The following PCDHB1 variants were observed in gnomAD, a reference collection of about 807,000 sequenced individuals.
PCDHB1 encodes protocadherin beta-1.
In PCDHB1, 44 loss-of-function variants were observed where a neutral mutation model predicts 43.5. That is an observed-to-expected ratio of 1.01 (90% CI 0.79 to 1.30). PCDHB1 has a LOEUF of 1.30. Among genes scored for constraint, PCDHB1 ranks in the 50% most tolerant of loss-of-function variants. The pLI is 0.00. For missense variants in PCDHB1, 919 were observed against 1,008.9 expected (o/e 0.91, Z 1.21); for synonymous variants, 392 against 400.8 (o/e 0.98, Z 0.26).
Position 141,052,638 on chromosome 5 carries a change from C to T in PCDHB1, c.1168C>T (p.Leu390Phe), listed in dbSNP as rs2233592. The change falls in exon 1 of 1, where the codon CTT becomes TTT. Residue 390 changes from leucine to phenylalanine, a missense_variant. By Grantham distance (22) the Leu-to-Phe change is conservative. Transcript: ENST00000306549. ...AGTCACCTGCTTCCTCAGAGAAGAC[C>T]TTCCCTTTGTAATCAAACCTACATT... The part of the protein sequence containing the change: ...GKVTCFLRED[L>F]PFVIKPTFGN... 4,727 of 1,614,094 alleles carry T rather than the reference C, an allele frequency of 2.9e-3. 125 individuals are homozygous for T. In the African/African-American group the frequency reaches 0.054, roughly 18 times the overall value.
chr5:141,052,726 A>C lies in PCDHB1; in HGVS notation c.1256A>C (p.Asn419Thr). The C allele has an allele frequency of 1.2e-6, 2 of 1,614,146 alleles. No individual in the cohort carries two copies. The highest frequency in any genetic ancestry group is 1.7e-6 in the Non-Finnish European group (2 of 1,180,010). Residue 419 changes from asparagine to threonine, a missense_variant, in exon 1 of 1, where the codon AAT becomes ACT. By Grantham distance (65) the Asn-to-Thr change is moderately conservative (BLOSUM62 0). Transcript: ENST00000306549. Reference protein sequence around the residue: ...SLDREEVSGYNITIVAMDTGP... With the variant: ...SLDREEVSGYTITIVAMDTGP... ...GATCGGGAGGAGGTCTCAGGCTATAATATCACCATTGTTGCCATGGATACT... is the reference window on the plus strand; with the variant it reads ...GATCGGGAGGAGGTCTCAGGCTATACTATCACCATTGTTGCCATGGATACT...
chr5:141,053,175 G>A lies in PCDHB1; in HGVS notation c.1705G>A (p.Gly569Ser), dbSNP rs1469286299. The change falls in exon 1 of 1, where the codon GGC becomes AGC. Residue 569 changes from glycine (G) to serine (S), a missense_variant. Transcript: ENST00000306549. Reference sequence around the variant, plus strand: ...AATGATCTTATACCCACTGCAGAACGGCACCTTGCCCTGCAATGACCTGGT... The same window carrying A: ...AATGATCTTATACCCACTGCAGAACAGCACCTTGCCCTGCAATGACCTGGT... ...RPMILYPLQN[G>S]TLPCNDLVPR... 1.9e-6 allele frequency: 3 copies of A among 1,614,146 alleles called. No homozygotes were observed. Among genetic ancestry groups the A allele is most frequent in the South Asian group, 1.1e-5 (1 of 91,078 alleles).
In PCDHB1 at chr5:141,053,856, C is replaced by T. The variant is rs782785019; in HGVS notation, c.2386C>T (p.Pro796Ser). The stretch of plus-strand genomic sequence containing the variant: ...AAAAATGGAGGCTGGCTCCAGTTTG[C>T]CCCCAAATTCTGATAGGAATAAGTC... ...EIKMEAGSSLPPNSDRNKSQR... is the reference protein window; with the variant it reads ...EIKMEAGSSLSPNSDRNKSQR... Residue 796 changes from proline (P) to serine (S), a missense_variant, in exon 1 of 1, where the codon CCC (proline) becomes TCC (serine). Coordinates refer to ENST00000306549, the MANE Select transcript of PCDHB1 (RefSeq NM_013340.4). The T allele has an allele frequency of 2.5e-6, 4 of 1,614,126 alleles. No individual in the cohort carries two copies. The highest frequency in any genetic ancestry group is 1.3e-5 in the African/African-American group (1 of 75,020).
In PCDHB1 at chr5:141,053,284, A is replaced by G. The variant is rs782455855; in HGVS notation, c.1814A>G (p.Tyr605Cys). The change falls in exon 1 of 1, where the codon TAT (tyrosine) becomes TGT (cysteine). Residue 605 changes from tyrosine to cysteine, a missense_variant. By Grantham distance (194) the Tyr-to-Cys change is radical. Transcript: ENST00000306549. ...GDSGQNSWLS[Y>C]HLLKATDLGL... ...TCAGGTCAGAATTCTTGGCTTTCAT[A>G]TCATCTACTTAAGGCCACTGACCTT... 20 of 1,614,106 alleles carry G rather than the reference A, an allele frequency of 1.2e-5. No individual in the cohort carries two copies. In the Admixed American group the frequency reaches 3.3e-4, roughly 27 times the overall value.
chr5:141,054,056 T>A lies in PCDHB1; in HGVS notation c.*129T>A. ...TTTAGTAAAGATAAGAGTACTTAGT[T>A]TGGTGAAAATGGGAAACCTAGAGTG... On this transcript the variant is annotated 3_prime_UTR_variant, in exon 1 of 1. Coordinates refer to ENST00000306549, the MANE Select transcript of PCDHB1 (RefSeq NM_013340.4). 2.6e-6 allele frequency: 2 copies of A among 768,720 alleles called. No homozygotes were observed. Among genetic ancestry groups the A allele is most frequent in the Non-Finnish European group, 2.0e-6 (1 of 487,808 alleles). The allele number at this position is 768,720 out of a possible 1,614,324, so 47.6% of individuals were successfully genotyped here.
chr5:141,051,427 G>GC lies in PCDHB1; in HGVS notation c.-43dup. ...GTTGCAGAAAAGTGAAAGTATATCC[G>GC]CAACAGTTGGCTCTGATTGCAGAGA... On this transcript the variant is annotated 5_prime_UTR_variant, in exon 1 of 1. Coordinates refer to ENST00000306549, the MANE Select transcript of PCDHB1 (RefSeq NM_013340.4). 6.3e-7 allele frequency: 1 copy of GC among 1,599,378 alleles called. No individual in the cohort carries two copies. The highest frequency in any genetic ancestry group is 8.6e-7 in the Non-Finnish European group (1 of 1,169,516).
chr5:141,057,590 A>G lies in PCDHB1; in HGVS notation c.*3663A>G, dbSNP rs1751161743. On this transcript the variant is annotated 3_prime_UTR_variant, in exon 1 of 1. Transcript: ENST00000306549. Reference sequence around the variant, plus strand: ...AAGAAAAAAGAAAAAAAAAGGTAAGATAACAATCTCATAAAAGAAACCATC... The same window carrying G: ...AAGAAAAAAGAAAAAAAAAGGTAAGGTAACAATCTCATAAAAGAAACCATC... 3 of 151,694 alleles carry G rather than the reference A, an allele frequency of 2.0e-5. No homozygotes were observed. The South Asian group carries it at 6.2e-4, about 31-fold the overall frequency. 9.4% of individuals were successfully genotyped at this position (151,694 alleles called of 1,614,324 possible).
chr5:141,053,564 T>A lies in PCDHB1; in HGVS notation c.2094T>A (p.Leu698=). The A allele has an allele frequency of 3.1e-6, 5 of 1,614,108 alleles. No homozygotes were observed. The highest frequency in any genetic ancestry group is 4.2e-6 in the Non-Finnish European group (5 of 1,179,976). The change falls in exon 1 of 1, where the codon CTT becomes CTA. Residue 698 remains leucine, a synonymous_variant. Transcript: ENST00000306549. The part of the protein sequence containing the change: ...TKYLVISLVI[L]SFLFLLSVIV... ...ATTTGGTCATTTCTCTGGTCATCCTTTCCTTTCTCTTTCTCCTCTCTGTCA... is the reference window on the plus strand; with the variant it reads ...ATTTGGTCATTTCTCTGGTCATCCTATCCTTTCTCTTTCTCCTCTCTGTCA...
In PCDHB1 at chr5:141,052,325, A is replaced by C. The variant is rs782216596; in HGVS notation, c.855A>C (p.Pro285=). The C allele has an allele frequency of 1.9e-5, 31 of 1,614,138 alleles. No homozygotes were observed. Among genetic ancestry groups the C allele is most frequent in the South Asian group, 1.2e-4 (11 of 91,088 alleles). ...KAITYSLAQN[P]EAILKTFQID... is the part of the protein sequence containing the mutation. ...TAACTTACTCTTTAGCTCAAAACCC[A>C]GAAGCAATTCTCAAGACGTTTCAGA... Residue 285 remains proline, a synonymous_variant, in exon 1 of 1, where the codon CCA becomes CCC. Coordinates refer to ENST00000306549, the MANE Select transcript of PCDHB1 (RefSeq NM_013340.4).
chr5:141,053,893 A>G lies in PCDHB1; in HGVS notation c.2423A>G (p.Glu808Gly). The G allele has an allele frequency of 6.2e-7, 1 of 1,614,160 alleles. No individual in the cohort carries two copies. Among genetic ancestry groups the G allele is most frequent in the Non-Finnish European group, 8.5e-7 (1 of 1,179,996 alleles). Residue 808 changes from glutamate to glycine, a missense_variant, in exon 1 of 1, where the codon GAG becomes GGG. Physicochemically the swap from Glu to Gly is moderately conservative, Grantham distance 98. Transcript: ENST00000306549. Reference protein sequence around the residue: ...NSDRNKSQRLEGHDQVSDDYM With the variant: ...NSDRNKSQRLGGHDQVSDDYM ...GATAGGAATAAGTCTCAGAGATTAG[A>G]GGGCCATGACCAGGTATCTGATGAC...
chr5:141,052,041 T>C lies in PCDHB1; in HGVS notation c.571T>C (p.Tyr191His). ...HTRFCSHGPK[Y>H]AELVLNKPLD... ...CCGCTTCTGCAGCCACGGGCCTAAATATGCTGAGCTGGTGCTGAACAAACC... is the reference window on the plus strand; with the variant it reads ...CCGCTTCTGCAGCCACGGGCCTAAACATGCTGAGCTGGTGCTGAACAAACC... Residue 191 changes from tyrosine to histidine, a missense_variant, in exon 1 of 1, where the codon TAT becomes CAT. Transcript: ENST00000306549. The C allele has an allele frequency of 6.2e-7, 1 of 1,614,106 alleles. No homozygotes were observed. Among genetic ancestry groups the C allele is most frequent in the Non-Finnish European group, 8.5e-7 (1 of 1,180,024 alleles).
chr5:141,051,604 T>C lies in PCDHB1; in HGVS notation c.134T>C (p.Val45Ala). 1 of 1,614,220 alleles carries C rather than the reference T, an allele frequency of 6.2e-7. No homozygotes were observed. Among genetic ancestry groups the C allele is most frequent in the Non-Finnish European group, 8.5e-7 (1 of 1,180,046 alleles). ...VAEEMESGSF[V>A]ANVAKDLGLE... is the part of the protein sequence containing the mutation. ...GAGGAAATGGAGAGCGGCTCGTTTG[T>C]GGCCAACGTAGCTAAGGACCTAGGA... The change falls in exon 1 of 1, where the codon GTG becomes GCG. Residue 45 changes from valine to alanine, a missense_variant. Val to Ala is a moderately conservative substitution (Grantham distance 64, BLOSUM62 0). Coordinates refer to ENST00000306549, the MANE Select transcript of PCDHB1 (RefSeq NM_013340.4).
chr5:141,052,156 A>G lies in PCDHB1; in HGVS notation c.686A>G (p.His229Arg). The change falls in exon 1 of 1, where the codon CAC becomes CGC. Residue 229 changes from histidine to arginine, a missense_variant. Transcript: ENST00000306549. Reference sequence around the variant, plus strand: ...CCTAAGTCTGGCACAGCTCACATCCACGTGGTGGTTCTGGATGTCAACGAC... The same window carrying G: ...CCTAAGTCTGGCACAGCTCACATCCGCGTGGTGGTTCTGGATGTCAACGAC... ...SPPKSGTAHI[H>R]VVVLDVNDHV... The G allele has an allele frequency of 6.2e-7, 1 of 1,613,810 alleles. No homozygotes were observed. The highest frequency in any genetic ancestry group is 8.5e-7 in the Non-Finnish European group (1 of 1,179,884).
In PCDHB1 at chr5:141,053,099, T is replaced by C. The variant is rs1554267383; in HGVS notation, c.1629T>C (p.Ser543=). Residue 543 remains serine (S), a synonymous_variant, in exon 1 of 1, where the codon AGT becomes AGC. Coordinates refer to ENST00000306549, the MANE Select transcript of PCDHB1 (RefSeq NM_013340.4). Reference sequence around the variant, plus strand: ...CTGATGGGGGCTTCCTGTCACTGAGTAGCCAAGTTACTGTCAGAGTGGTTG... The same window carrying C: ...CTGATGGGGGCTTCCTGTCACTGAGCAGCCAAGTTACTGTCAGAGTGGTTG... ...KATDGGFLSL[S]SQVTVRVVVL... The C allele has an allele frequency of 1.2e-6, 2 of 1,614,162 alleles. No homozygotes were observed. The highest frequency in any genetic ancestry group is 2.2e-5 in the South Asian group (2 of 91,074).
In PCDHB1 at chr5:141,051,408, G is replaced by A; in HGVS notation, c.-63G>A. ...GCAGCTGTTGCAGTAACCTGTTGCA[G>A]AAAAGTGAAAGTATATCCGCAACAG... On this transcript the variant is annotated 5_prime_UTR_variant, in exon 1 of 1. Coordinates refer to ENST00000306549, the MANE Select transcript of PCDHB1 (RefSeq NM_013340.4). The A allele has an allele frequency of 1.0e-5, 16 of 1,568,804 alleles. No individual in the cohort carries two copies. The highest frequency in any genetic ancestry group is 1.2e-5 in the Non-Finnish European group (14 of 1,149,024).
At position 141,052,422 on chromosome 5, in the gene PCDHB1, G is replaced by C. The variant is rs782678393; in HGVS notation, c.952G>C (p.Asp318His). 6.2e-7 allele frequency: 1 copy of C among 1,614,206 alleles called. No individual in the cohort carries two copies. Among genetic ancestry groups the C allele is most frequent in the Non-Finnish European group, 8.5e-7 (1 of 1,180,036 alleles). Residue 318 changes from aspartate to histidine, a missense_variant, in exon 1 of 1, where the codon GAC becomes CAC. By Grantham distance (81) the Asp-to-His change is moderately conservative. Coordinates refer to ENST00000306549, the MANE Select transcript of PCDHB1 (RefSeq NM_013340.4). ...TGAAGCCATTGAAACATACGACATTGACATTCAAGCTACAGATGGTGGAGG... is the reference window on the plus strand; with the variant it reads ...TGAAGCCATTGAAACATACGACATTCACATTCAAGCTACAGATGGTGGAGG... ...DFEAIETYDI[D>H]IQATDGGGLS...
chr5:141,053,372 A>T lies in PCDHB1; in HGVS notation c.1902A>T (p.Arg634Ser), dbSNP rs1554267446. 6 of 1,614,202 alleles carry T rather than the reference A, an allele frequency of 3.7e-6. No individual in the cohort carries two copies. Among genetic ancestry groups the T allele is most frequent in the South Asian group, 1.1e-5 (1 of 91,088 alleles). The change falls in exon 1 of 1, where the codon AGA (arginine) becomes AGT (serine). Residue 634 changes from arginine (R) to serine (S), a missense_variant. Physicochemically the swap from Arg to Ser is moderately radical, Grantham distance 110. Transcript: ENST00000306549. ...EIHTLRQISE[R>S]DPMMQKLIIL... ...ATACATTAAGGCAGATATCTGAGAG[A>T]GACCCCATGATGCAGAAATTGATCA...
chr5:141,053,297 G>T lies in PCDHB1; in HGVS notation c.1827G>T (p.Lys609Asn), dbSNP rs782520320. ...CTTGGCTTTCATATCATCTACTTAA[G>T]GCCACTGACCTTGGGTTATTTTCTG... Reference protein sequence around the residue: ...QNSWLSYHLLKATDLGLFSVQ... With the variant: ...QNSWLSYHLLNATDLGLFSVQ... Residue 609 changes from lysine to asparagine, a missense_variant, in exon 1 of 1, where the codon AAG becomes AAT. Transcript: ENST00000306549. 3.7e-6 allele frequency: 6 copies of T among 1,614,084 alleles called. No homozygotes were observed.
Position 141,054,155 on chromosome 5 carries a change from G to T in PCDHB1, c.*228G>T, listed in dbSNP as rs1751072779. ...ATATCTATAACCCTTTCTCCAGTTG[G>T]AATTCTGTTTAAAGAAATGTCACCC... On this transcript the variant is annotated 3_prime_UTR_variant, in exon 1 of 1. Transcript: ENST00000306549. 2 of 445,790 alleles carry T rather than the reference G, an allele frequency of 4.5e-6. No individual in the cohort carries two copies. The highest frequency in any genetic ancestry group is 7.9e-6 in the Non-Finnish European group (2 of 252,012). The allele number at this position is 445,790 out of a possible 1,614,324, so 27.6% of individuals were successfully genotyped here.
Sources: allele counts gnomAD v4.1 joint callset, GRCh38; gene constraint gnomAD v4.1.1; transcripts MANE v1.5; gene names NCBI Gene and HGNC (gene_info 2026-07-23, HGNC 2026-07-21).